NRG3: variants seen among roughly 807,000 people sequenced by gnomAD.
The protein encoded by NRG3 is neuregulin 3.
A neutral mutation model predicts 66.9 loss-of-function variants in NRG3; 31 were observed. The observed-to-expected ratio is 0.46, with a 90% CI of 0.35 to 0.63. NRG3 has a LOEUF of 0.63. Ranked by LOEUF, NRG3 falls within the 20% of genes least tolerant of loss-of-function variation. The pLI is 0.00. For synonymous variants in NRG3, 393 were observed against 359.4 expected, an observed-to-expected ratio of 1.09 and a Z score of -1.06; for missense variants, 910 against 878.9, an observed-to-expected ratio of 1.04 and a Z score of -0.45.
At chr10:82,551,647 A>G (rs2132893010) in intron 2 of NRG3, among the ~76,000 whole-genome samples, 1 of 151,910 alleles carries the variant, frequency 6.6e-6, no homozygotes, top group South Asian at 2.1e-4. Flanking sequence ...ACACAAAACA[A>G]CTACCTAGCT....
At chr10:82,154,541 G>T (rs1473485755) in intron 1 of NRG3, among the ~76,000 whole-genome samples, 1 of 150,612 alleles carries the variant, frequency 6.6e-6, no homozygotes, top group African/African-American at 2.4e-5. Flanking sequence ...GATTGCTTTG[G>T]CTATTTGGGG....
At chr10:82,856,756 C>CAAAAAAAAAAAA (rs67224862) in intron 3 of NRG3, among the ~76,000 whole-genome samples, 74 of 107,486 alleles carry the variant, frequency 6.9e-4, no homozygotes, top group Middle Eastern at 7.8e-3. Flanking sequence ...AAAAAAAAAA[C>CAAAAAAAAAAAA]AAAAAAAAAA....
At chr10:82,158,738 G>T (rs2132907850) in intron 1 of NRG3, among the ~76,000 whole-genome samples, 1 of 151,870 alleles carries the variant, frequency 6.6e-6, no homozygotes, top group East Asian at 1.9e-4. Context: ...TGCCACAAAT[G>T]CTTACTCTTG....
intron 1 of NRG3, among the ~76,000 whole-genome samples, chr10:81,948,341 C>T (rs1230516277): frequency 6.6e-6 from 1 of 152,108 alleles, no homozygotes; most frequent in East Asian, 1.9e-4. Context: ...TAATAATCTC[C>T]AAACCCTTAG....
intron 2 of NRG3, among the ~76,000 whole-genome samples, chr10:82,430,389 C>G (rs2136317005): frequency 6.6e-6 from 1 of 152,152 alleles, no homozygotes; most frequent in Admixed American, 6.5e-5. Context: ...TCCCACATAG[C>G]TGGGACTACA....
intron 1 of NRG3, among the ~76,000 whole-genome samples, chr10:82,007,953 AAAC>A (rs1442560793): frequency 6.6e-6 from 1 of 152,156 alleles, no homozygotes; most frequent in African/African-American, 2.4e-5. Context: ...CCTCTCTCAG[AAAC>A]AACTTCTATT....
At chr10:81,961,343 T>TA (rs1850335584) in intron 1 of NRG3, among the ~76,000 whole-genome samples, 2 of 152,204 alleles carry the variant, frequency 1.3e-5, no homozygotes, top group Non-Finnish European at 2.9e-5. Context: ...CCACTGTTTC[T>TA]AGGCAGCCCA....
At chr10:82,847,347 G>A (rs904757219) in intron 3 of NRG3, among the ~76,000 whole-genome samples, 3 of 152,166 alleles carry the variant, frequency 2.0e-5, no homozygotes, top group Non-Finnish European at 2.9e-5. Context: ...AATAGATGTG[G>A]TACAGTGGCG....
chr10:82,636,929 G>C (rs1241469465), intron 2 of NRG3, among the ~76,000 whole-genome samples: 1 of 151,868 alleles, frequency 6.6e-6, no homozygotes, highest in East Asian at 1.9e-4. Context: ...GAAATGGGGA[G>C]ATGTAGGTCA....
At chr10:82,114,897 T>C (rs1423897514) in intron 1 of NRG3, among the ~76,000 whole-genome samples, 3 of 152,148 alleles carry the variant, frequency 2.0e-5, no homozygotes, top group African/African-American at 7.2e-5. Context: ...CTCAACGTGT[T>C]TGCTAAACTG....
intron 1 of NRG3, among the ~76,000 whole-genome samples, chr10:82,132,617 T>C (rs1326208860): frequency 6.8e-6 from 1 of 148,040 alleles, no homozygotes; most frequent in Non-Finnish European, 1.5e-5. Context: ...CTCCTCCTCC[T>C]CTAATTTTTG....
chr10:82,047,734 A>T (rs1474597583), intron 1 of NRG3, among the ~76,000 whole-genome samples: 1 of 151,824 alleles, frequency 6.6e-6, no homozygotes, highest in Non-Finnish European at 1.5e-5. Context: ...TGACAGGTTC[A>T]AATTCACACA....
chr10:82,234,556 A>G (rs1272372204), intron 1 of NRG3, among the ~76,000 whole-genome samples: 3 of 152,244 alleles, frequency 2.0e-5, no homozygotes, highest in Admixed American at 6.5e-5. Context: ...AATCAAGGGT[A>G]GACACATGCA....
intron 1 of NRG3, among the ~76,000 whole-genome samples, chr10:82,295,907 C>CA (rs72023797): frequency 0.19 from 29,194 of 150,520 alleles, 6,846 homozygotes; most frequent in African/African-American, 0.56. Flanking sequence ...TAAAAAAGGA[C>CA]AAAAAAAACC....
rs935441664 is a variant in NRG3, at chr10:82,408,652, C to CTTAT, written c.953+49802_953+49805dup. Among the ~76,000 whole-genome samples the CTTAT allele has an allele frequency of 1.7e-3, 247 of 144,846 alleles. 1 individual carries two copies. Among genetic ancestry groups the CTTAT allele is most frequent in the African/African-American group, 3.6e-3 (142 of 39,092 alleles). On this transcript the variant is annotated intron_variant, in intron 2 of 8. Coordinates refer to ENST00000372141, the MANE Select transcript of NRG3 (RefSeq NM_001010848.4). ...TATATATTATATATATATATATATT[C>CTTAT]TTATTTATTTATTTATTTATTCTTC...
At chr10:82,360,644 T>C (rs760881342) in intron 2 of NRG3, among the ~76,000 whole-genome samples, 3 of 152,208 alleles carry the variant, frequency 2.0e-5, no homozygotes, top group African/African-American at 4.8e-5. Flanking sequence ...ATGAATTTGC[T>C]AGGACTGCTG....
rs370751911 is a variant in NRG3, at chr10:81,897,687, T to C, written c.823+21524T>C. ...TTGTTAGGTGTGCAAGTGAACCTTTTGAGAAGGTAATTGGATATTGTGTGG... is the reference window on the plus strand; with the variant it reads ...TTGTTAGGTGTGCAAGTGAACCTTTCGAGAAGGTAATTGGATATTGTGTGG... On this transcript the variant is annotated intron_variant, in intron 1 of 8. Coordinates refer to ENST00000372141, the MANE Select transcript of NRG3 (RefSeq NM_001010848.4). Among the ~76,000 whole-genome samples, 4 of 152,212 alleles carry C rather than the reference T, an allele frequency of 2.6e-5. No individual in the cohort carries two copies. In the South Asian group the frequency reaches 8.3e-4, roughly 32 times the overall value.
At chr10:81,979,304 A>G in intron 1 of NRG3, among the ~76,000 whole-genome samples, 1 of 152,086 alleles carries the variant, frequency 6.6e-6, no homozygotes, top group East Asian at 1.9e-4. Flanking sequence ...GAAATATTGT[A>G]GAGGTTATGG....
chr10:82,348,811 ATTCAT>A (rs1381801082), intron 1 of NRG3, among the ~76,000 whole-genome samples: 11 of 151,096 alleles, frequency 7.3e-5, no homozygotes, highest in Admixed American at 4.6e-4. Context: ...ACTTCATTTC[ATTCAT>A]TTCATCTTCC....
Sources: gnomAD v4.1 joint callset for allele counts (sites outside exome capture counted in the v4.1 genomes callset) on GRCh38, gnomAD v4.1.1 for gene constraint, MANE v1.5 for transcripts, NCBI Gene and HGNC (gene_info 2026-07-23, HGNC 2026-07-21) for gene names.